Variants in TSPAN14 observed in about 807,000 individuals in gnomAD.
TSPAN14 encodes tetraspanin 14.
Under a neutral mutation model 36.6 loss-of-function variants are expected in TSPAN14, and 16 were observed. The observed-to-expected ratio is 0.44, with a 90% CI of 0.30 to 0.66. The LOEUF (loss-of-function observed/expected upper bound fraction) is 0.66. TSPAN14 is among the 30% of genes least tolerant of loss of function. The pLI is 0.12. For synonymous variants in TSPAN14, 139 were observed against 143.8 expected (o/e 0.97, Z 0.24); for missense variants, 231 against 355.1 (o/e 0.65, Z 2.81).
chr10:80,476,694 A>C (rs1052019547), intron 1 of TSPAN14, among the ~76,000 whole-genome samples: 2 of 151,728 alleles, frequency 1.3e-5, no homozygotes, highest in Non-Finnish European at 2.9e-5. Context: ...GGATTACAGG[A>C]GTTTTACTGT....
rs747369194 is a variant in TSPAN14, at chr10:80,516,313, C to T, written c.731C>T (p.Ser244Leu). The T allele has an allele frequency of 3.5e-5, 56 of 1,614,130 alleles. No homozygotes were observed. Among genetic ancestry groups the T allele is most frequent in the Non-Finnish European group, 4.4e-5 (52 of 1,180,060 alleles). ...GTGGCTGGCGTCTTCATCGCCATCT[C>T]GCTGTTGCAGGTGTGTCCCAGGAGC... is the stretch of plus-strand genomic sequence containing the variant. The change falls in exon 8 of 9, where the codon TCG (serine) becomes TTG (leucine). Residue 244 changes from serine to leucine, a missense_variant. Ser to Leu is a moderately radical substitution (Grantham distance 145). Transcript: ENST00000429989.
chr10:80,521,901 G>C (rs2132081844), exon 9 of TSPAN14: 1 of 137,202 alleles, frequency 7.3e-6, no homozygotes, highest in African/African-American at 2.9e-5. Context: ...TCCAGCCTGG[G>C]CTCAAAAAAG....
chr10:80,468,351 A>G (rs1371276845), intron 1 of TSPAN14, among the ~76,000 whole-genome samples: 1 of 152,232 alleles, frequency 6.6e-6, no homozygotes, highest in African/African-American at 2.4e-5. Context: ...TGGTTAGAGT[A>G]GCTTTTACAG....
chr10:80,492,200 T>A lies in TSPAN14; in HGVS notation c.81+2886T>A, dbSNP rs182379231. Among the ~76,000 whole-genome samples the A allele has an allele frequency of 3.1e-3, 472 of 152,312 alleles. 5 individuals are homozygous for A. Among genetic ancestry groups the A allele is most frequent in the African/African-American group, 0.011 (442 of 41,550 alleles). ...TCTTCAGATAAGTTTTCTTTTTTTT[T>A]AAATGGAGAAAATATGAAAGTAGGA... On this transcript the variant is annotated intron_variant, in intron 2 of 8. Transcript: ENST00000429989.
At chr10:80,512,022 T>A in intron 5 of TSPAN14, 122 bp from the exon 6 acceptor site, 1 of 1,491,430 alleles carries the variant, frequency 6.7e-7, no homozygotes. Flanking sequence ...GGGCGGGCCT[T>A]GATTTCTCTG....
chr10:80,468,088 A>G (rs1487313440), intron 1 of TSPAN14, among the ~76,000 whole-genome samples: 4 of 152,130 alleles, frequency 2.6e-5, no homozygotes, highest in Non-Finnish European at 5.9e-5. Context: ...AGGTTCTAGG[A>G]GACAAAATGT....
chr10:80,506,322 G>A (rs912187711), intron 3 of TSPAN14, among the ~76,000 whole-genome samples: 1 of 152,136 alleles, frequency 6.6e-6, no homozygotes, highest in African/African-American at 2.4e-5. Context: ...TAGTTGAGGC[G>A]GTCTTTTTCT....
chr10:80,462,023 C>T (rs1423048230), intron 1 of TSPAN14, among the ~76,000 whole-genome samples: 1 of 152,054 alleles, frequency 6.6e-6, no homozygotes. Context: ...AAGTGATCCT[C>T]CCGCCTCAGC....
chr10:80,520,776 T>C (rs1194951747), exon 9 of TSPAN14: 1 of 533,404 alleles, frequency 1.9e-6, no homozygotes, highest in African/African-American at 1.9e-5. Flanking sequence ...CCCACGTAGC[T>C]GAAAGCTGCT....
intron 1 of TSPAN14, among the ~76,000 whole-genome samples, chr10:80,484,660 T>C (rs915326288): frequency 1.3e-5 from 2 of 152,364 alleles, no homozygotes; most frequent in South Asian, 2.1e-4. Flanking sequence ...GTTGCAGATA[T>C]TTACTGTGTC....
chr10:80,477,073 G>T (rs949669155), intron 1 of TSPAN14, among the ~76,000 whole-genome samples: 6 of 152,174 alleles, frequency 3.9e-5, no homozygotes, highest in African/African-American at 1.4e-4. Context: ...TCCCTCACTG[G>T]TCCTCGCATG....
chr10:80,502,886 G>A (rs1403687157), intron 2 of TSPAN14, among the ~76,000 whole-genome samples: 1 of 152,076 alleles, frequency 6.6e-6, no homozygotes, highest in Admixed American at 6.5e-5. Context: ...AGGACTGTGA[G>A]TGAGGCCCAC....
intron 1 of TSPAN14, among the ~76,000 whole-genome samples, chr10:80,462,382 G>A (rs1846025045): frequency 6.6e-6 from 1 of 151,218 alleles, no homozygotes; most frequent in African/African-American, 2.4e-5. Context: ...GGTGGGGTGG[G>A]GTGGAGGAGT....
At chr10:80,467,475 G>A (rs573960700) in intron 1 of TSPAN14, among the ~76,000 whole-genome samples, 1 of 152,170 alleles carries the variant, frequency 6.6e-6, no homozygotes, top group Admixed American at 6.5e-5. Flanking sequence ...TTCCTGGGGT[G>A]TAGATTCTTA....
intron 1 of TSPAN14, among the ~76,000 whole-genome samples, chr10:80,473,433 G>C (rs911358972): frequency 1.3e-5 from 2 of 152,306 alleles, no homozygotes; most frequent in African/African-American, 4.8e-5. Flanking sequence ...TGGAGAGCCT[G>C]GTGGAGCTCA....
intron 1 of TSPAN14, among the ~76,000 whole-genome samples, chr10:80,455,502 C>A (rs184797237): frequency 4.6e-5 from 7 of 152,242 alleles, no homozygotes; most frequent in Admixed American, 3.3e-4. Flanking sequence ...AGAGAGTGGC[C>A]TGCCAAATCC....
At chr10:80,519,287 G>A (rs867799186) in exon 9 of TSPAN14, 1 of 152,822 alleles carries the variant, frequency 6.5e-6, no homozygotes, top group Middle Eastern at 3.4e-3. Context: ...GGTGATCACT[G>A]GTCCACCCTT....
chr10:80,501,154 C>T (rs1848495434), intron 2 of TSPAN14, among the ~76,000 whole-genome samples: 1 of 150,436 alleles, frequency 6.6e-6, no homozygotes, highest in African/African-American at 2.4e-5. Flanking sequence ...TACTCTGTTA[C>T]CACCCAGGCT....
intron 4 of TSPAN14, among the ~76,000 whole-genome samples, chr10:80,507,640 G>A (rs1840369344): frequency 6.6e-6 from 1 of 152,206 alleles, no homozygotes; most frequent in South Asian, 2.1e-4. Flanking sequence ...CCGCTCCTTT[G>A]CCTTTTATCT....
Sources: gnomAD v4.1 joint callset for allele counts (sites outside exome capture counted in the v4.1 genomes callset) on GRCh38, gnomAD v4.1.1 for gene constraint, MANE v1.5 for transcripts, NCBI Gene and HGNC (gene_info 2026-07-23, HGNC 2026-07-21) for gene names.